ITGB3: variants seen among roughly 807,000 people sequenced by gnomAD.
ITGB3 encodes the protein integrin beta-3.
A neutral mutation model predicts 85.8 loss-of-function variants in ITGB3; 48 were observed. The observed-to-expected ratio is 0.56, with a 90% CI of 0.44 to 0.71. The LOEUF (loss-of-function observed/expected upper bound fraction) is 0.71. ITGB3 is among the 30% of genes least tolerant of loss of function. The probability of loss-of-function intolerance (pLI) is 0.00; values close to 1 mark genes in which losing one functional copy is unlikely to be tolerated. For missense variants in ITGB3, 861 were observed against 1,019.1 expected, an observed-to-expected ratio of 0.84 and a Z score of 2.11; for synonymous variants, 363 against 395.6, an observed-to-expected ratio of 0.92 and a Z score of 0.98.
At chr17:47,287,911 CTTTTTTTTTTT>C (rs60463106) in intron 6 of ITGB3, among the ~76,000 whole-genome samples, 10,940 of 55,138 alleles carry the variant, frequency 0.2, 576 homozygotes, top group Middle Eastern at 0.32. Flanking sequence ...ACCACCCCTG[CTTTTTTTTTTT>C]TTTTTTTTTT....
At chr17:47,293,397 T>C (rs538012570) in intron 10 of ITGB3, among the ~76,000 whole-genome samples, 1 of 152,188 alleles carries the variant, frequency 6.6e-6, no homozygotes, top group East Asian at 1.9e-4. Context: ...CGCAGACATG[T>C]TGGCAACACT....
intron 1 of ITGB3, among the ~76,000 whole-genome samples, chr17:47,257,982 C>T (rs544834896): frequency 6.6e-6 from 1 of 152,286 alleles, no homozygotes; most frequent in African/African-American, 2.4e-5. Flanking sequence ...AGCTCCCCAC[C>T]CTACTTGGGA....
chr17:47,274,991 C>T (rs1042196861), intron 2 of ITGB3, among the ~76,000 whole-genome samples: 2 of 152,024 alleles, frequency 1.3e-5, no homozygotes, highest in African/African-American at 2.4e-5. Context: ...AGCAGGGCGT[C>T]AGGTCTCAAA....
At chr17:47,255,063 C>CT (rs1249296201) in intron 1 of ITGB3, among the ~76,000 whole-genome samples, 2 of 152,104 alleles carry the variant, frequency 1.3e-5, no homozygotes, top group African/African-American at 4.8e-5. Context: ...ACTGCAACTT[C>CT]TGCCTCCTGG....
At chr17:47,306,278 C>CTT (rs1473066208) in intron 13 of ITGB3, among the ~76,000 whole-genome samples, 1 of 150,392 alleles carries the variant, frequency 6.6e-6, no homozygotes, top group Non-Finnish European at 1.5e-5. Context: ...CTGTATTTCT[C>CTT]TCTTTCTTTC....
At chr17:47,255,505 TC>T (rs2064985970) in intron 1 of ITGB3, among the ~76,000 whole-genome samples, 2 of 152,024 alleles carry the variant, frequency 1.3e-5, no homozygotes. Flanking sequence ...CACTGCAACC[TC>T]CGCTTCCCGG....
intron 1 of ITGB3, among the ~76,000 whole-genome samples, chr17:47,270,276 C>G (rs933757588): frequency 1.3e-5 from 2 of 152,190 alleles, no homozygotes; most frequent in East Asian, 3.8e-4. Flanking sequence ...GTGCTTCTGT[C>G]TCTTGTGAAT....
chr17:47,257,132 A>G (rs896382863), intron 1 of ITGB3, among the ~76,000 whole-genome samples: 3 of 152,234 alleles, frequency 2.0e-5, no homozygotes, highest in Non-Finnish European at 2.9e-5. Flanking sequence ...AATGACAACT[A>G]CTATTGTCAT....
intron 2 of ITGB3, among the ~76,000 whole-genome samples, chr17:47,275,139 TTTCTC>T (rs756145252): frequency 6.6e-6 from 1 of 152,172 alleles, no homozygotes; most frequent in Non-Finnish European, 1.5e-5. Flanking sequence ...CAGAAAATCT[TTTCTC>T]TTCCCTTCTC....
At chr17:47,270,279 T>C (rs113669992) in intron 1 of ITGB3, among the ~76,000 whole-genome samples, 64 of 152,324 alleles carry the variant, frequency 4.2e-4, no homozygotes, top group African/African-American at 1.5e-3. Context: ...CTTCTGTCTC[T>C]TGTGAATATC....
chr17:47,274,182 T>C (rs2065054780), intron 1 of ITGB3, among the ~76,000 whole-genome samples: 1 of 152,252 alleles, frequency 6.6e-6, no homozygotes, highest in African/African-American at 2.4e-5. Context: ...CCCTGTCACT[T>C]GTTACCACTG....
At chr17:47,294,626 C>T (rs1185813311) in intron 10 of ITGB3, among the ~76,000 whole-genome samples, 3 of 152,200 alleles carry the variant, frequency 2.0e-5, no homozygotes, top group South Asian at 2.1e-4. Context: ...GCCCACCCAG[C>T]CTCAGGTCTA....
intron 1 of ITGB3, among the ~76,000 whole-genome samples, chr17:47,261,078 T>C (rs1316184930): frequency 6.6e-6 from 1 of 152,174 alleles, no homozygotes; most frequent in Non-Finnish European, 1.5e-5. Flanking sequence ...TTATTCCTCT[T>C]GTCTAACTGA....
rs1291399916 is a variant in ITGB3, at chr17:47,312,467, T to C, written c.*2263T>C. 6.6e-6 allele frequency among the ~76,000 whole-genome samples: 1 copy of C among 152,168 alleles called. No homozygotes were observed. ...TAGAAATAGTGGCAGGGAACAGGTG[T>C]GGAAGCTCATGCCTGTAATTATAAC... is the stretch of plus-strand genomic sequence containing the variant. On this transcript the variant is annotated 3_prime_UTR_variant, in exon 15 of 15. Coordinates refer to ENST00000559488, the MANE Select transcript of ITGB3 (RefSeq NM_000212.3).
chr17:47,308,337 C>T (rs1439584294), intron 14 of ITGB3, among the ~76,000 whole-genome samples: 1 of 151,890 alleles, frequency 6.6e-6, no homozygotes, highest in African/African-American at 2.4e-5. Flanking sequence ...CTTTTTTCCT[C>T]GACCCTCCAA....
At chr17:47,291,198 T>C (rs2065124308) in intron 9 of ITGB3, 110 bp downstream of exon 9, 2 of 1,275,166 alleles carry the variant, frequency 1.6e-6, no homozygotes, top group Non-Finnish European at 2.3e-6. Context: ...AAAAAAAATA[T>C]GGGCAAGAAA....
chr17:47,277,198 C>T (rs1193478020), intron 2 of ITGB3, among the ~76,000 whole-genome samples: 5 of 152,150 alleles, frequency 3.3e-5, no homozygotes, highest in Non-Finnish European at 7.4e-5. Flanking sequence ...AGAGACTCAA[C>T]GCGTAGTCTT....
chr17:47,302,340 C>T (rs184076423), intron 12 of ITGB3, among the ~76,000 whole-genome samples: 14 of 152,186 alleles, frequency 9.2e-5, no homozygotes, highest in African/African-American at 1.4e-4. Flanking sequence ...TTTAGTTCAC[C>T]GACCTTGTGA....
At chr17:47,303,636 G>A (rs2065175728) in intron 13 of ITGB3, 1 of 152,240 alleles carries the variant, frequency 6.6e-6, no homozygotes, top group Non-Finnish European at 1.5e-5. Flanking sequence ...AGGCACTAAG[G>A]CAAGGCTGCC....
Sources: allele counts gnomAD v4.1 joint callset (sites outside exome capture counted in the v4.1 genomes callset), GRCh38; gene constraint gnomAD v4.1.1; transcripts MANE v1.5; gene names NCBI Gene and HGNC (gene_info 2026-07-23, HGNC 2026-07-21).